Variants in ZNF225 observed in about 807,000 individuals in gnomAD.
ZNF225 encodes zinc finger protein 225.
In ZNF225, 6 loss-of-function variants were observed where a neutral mutation model predicts 12.0. The ratio of observed to expected loss-of-function variants is 0.50; its 90% confidence interval spans 0.27 to 0.98. The LOEUF (loss-of-function observed/expected upper bound fraction) is 0.98. Ranked by LOEUF, ZNF225 falls within the 50% of genes least tolerant of loss-of-function variation. The pLI, the probability that ZNF225 is intolerant of heterozygous loss-of-function variation, is 0.11. For missense variants in ZNF225, 763 were observed against 848.2 expected (o/e 0.90, Z 1.25); for synonymous variants, 271 against 283.2 (o/e 0.96, Z 0.43).
Position 44,132,390 on chromosome 19 carries a change from T to C in ZNF225, c.1776T>C (p.Asp592=), listed in dbSNP as rs757887073. 66 of 1,608,296 alleles carry C rather than the reference T, an allele frequency of 4.1e-5. No homozygotes were observed. The Admixed American group carries it at 6.7e-4, about 16-fold the overall frequency. The change falls in exon 5 of 5, where the codon GAT becomes GAC. Residue 592 remains aspartate (D), a synonymous_variant. Coordinates refer to ENST00000262894, the MANE Select transcript of ZNF225 (RefSeq NM_013362.4). The part of the protein sequence containing the change: ...SILNHKRLHG[D]EKPFKCEECG... ...TGAATCATAAGAGACTCCATGGTGA[T>C]GAAAAGCCATTCAAATGTGAAGAGT...
intron 4 of ZNF225, among the ~76,000 whole-genome samples, chr19:44,119,158 T>C (rs1001720128): frequency 6.6e-6 from 1 of 152,142 alleles, no homozygotes; most frequent in Non-Finnish European, 1.5e-5. Context: ...TTAAGTGCCT[T>C]TTAGAGACCA....
chr19:44,130,718 A>AAAAAT, intron 4 of ZNF225, 132 bp from the exon 5 acceptor site: 1 of 447,504 alleles, frequency 2.2e-6, no homozygotes, highest in Non-Finnish European at 3.9e-6. Flanking sequence ...AAAAAAAAAA[A>AAAAAT]AAAAAAGGAA....
At chr19:44,124,771 CT>C (rs1295747558) in intron 4 of ZNF225, among the ~76,000 whole-genome samples, 10 of 152,060 alleles carry the variant, frequency 6.6e-5, no homozygotes, top group Non-Finnish European at 1.5e-4. Flanking sequence ...TATAATGTCC[CT>C]CTTTGTCTCT....
In ZNF225 at chr19:44,131,882, G is replaced by A. The variant is rs1968270748; in HGVS notation, c.1268G>A (p.Ser423Asn). The change falls in exon 5 of 5, where the codon AGT (serine) becomes AAT (asparagine). Residue 423 changes from serine to asparagine, a missense_variant. Transcript: ENST00000262894. ...SQRYSHQRAH[S>N]GEKPYRCEEC... ...CGTTATTCTCACCAGAGAGCGCACA[G>A]TGGAGAAAAGCCATATAGATGTGAG... The A allele has an allele frequency of 6.2e-7, 1 of 1,614,142 alleles. No individual in the cohort carries two copies. The highest frequency in any genetic ancestry group is 8.5e-7 in the Non-Finnish European group (1 of 1,180,030).
chr19:44,121,063 AT>A (rs1015797576), intron 4 of ZNF225, among the ~76,000 whole-genome samples: 1 of 151,754 alleles, frequency 6.6e-6, no homozygotes. Flanking sequence ...TGCCCTGCTA[AT>A]TTTTTTTATA....
rs1261218325 is a variant in ZNF225 at position 44,132,937 on chromosome 19, A to G, written c.*202A>G. 2.2e-6 allele frequency: 1 copy of G among 460,968 alleles called. No homozygotes were observed. Among genetic ancestry groups the G allele is most frequent in the Non-Finnish European group, 3.7e-6 (1 of 271,176 alleles). The allele number at this position is 460,968 out of a possible 1,614,324, so 28.6% of individuals were successfully genotyped here. ...TCACCCTGTAGTGGTGTAAAACACT[A>G]GAACTTATTCCTCCTACCTGCCTGT... On this transcript the variant is annotated 3_prime_UTR_variant, in exon 5 of 5. Coordinates refer to ENST00000262894, the MANE Select transcript of ZNF225 (RefSeq NM_013362.4).
At position 44,115,682 on chromosome 19, in the gene ZNF225, A is replaced by G. The variant is rs1277325148; in HGVS notation, c.-68-78A>G. 1.5e-5 allele frequency: 10 copies of G among 673,386 alleles called. No homozygotes were observed. The Admixed American group carries it at 3.3e-4, about 22-fold the overall frequency. The allele number at this position is 673,386 out of a possible 1,614,324, so 41.7% of individuals were successfully genotyped here. A position where few individuals can be genotyped will look rare whatever the true frequency, so the allele number is the denominator to read the frequency against. On this transcript the variant is annotated intron_variant, in intron 1 of 4. Coordinates refer to ENST00000262894, the MANE Select transcript of ZNF225 (RefSeq NM_013362.4). ...GGGAACATTCATGTGTTAATTTACA[A>G]TACACATTCGTGTTGGTGGATGGCA...
chr19:44,132,578 A>T lies in ZNF225; in HGVS notation c.1964A>T (p.Glu655Val). The T allele has an allele frequency of 4.3e-6, 7 of 1,614,196 alleles. No homozygotes were observed. Among genetic ancestry groups the T allele is most frequent in the Non-Finnish European group, 5.9e-6 (7 of 1,180,006 alleles). ...AGTAGAGAAAAACTACTTCAATGTG[A>T]GGACTGTGGGAAGAGCATTGTGCAC... is the stretch of plus-strand genomic sequence containing the variant. ...LHSREKLLQC[E>V]DCGKSIVHSS... The change falls in exon 5 of 5, where the codon GAG becomes GTG. Residue 655 changes from glutamate (E) to valine (V), a missense_variant. Coordinates refer to ENST00000262894, the MANE Select transcript of ZNF225 (RefSeq NM_013362.4).
Position 44,118,304 on chromosome 19 carries a change from G to A in ZNF225, c.132G>A (p.Leu44=). ...REVMLENFRN[L]LSVGHQSLHR... Reference sequence around the variant, plus strand: ...TGATGCTGGAGAACTTCAGGAACCTGCTCTCAGTGGGTGAGGACAGGCACC... The same window carrying A: ...TGATGCTGGAGAACTTCAGGAACCTACTCTCAGTGGGTGAGGACAGGCACC... The change falls in exon 3 of 5, where the codon CTG becomes CTA. Residue 44 remains leucine, a synonymous_variant. Transcript: ENST00000262894. 2 of 1,612,884 alleles carry A rather than the reference G, an allele frequency of 1.2e-6. No homozygotes were observed. Among genetic ancestry groups the A allele is most frequent in the Non-Finnish European group, 1.7e-6 (2 of 1,179,450 alleles).
In ZNF225 at chr19:44,131,179, T is replaced by A; in HGVS notation, c.565T>A (p.Ser189Thr). 4 of 1,614,176 alleles carry A rather than the reference T, an allele frequency of 2.5e-6. No individual in the cohort carries two copies. The highest frequency in any genetic ancestry group is 3.4e-6 in the Non-Finnish European group (4 of 1,180,036). The change falls in exon 5 of 5, where the codon TCA becomes ACA. Residue 189 changes from serine to threonine, a missense_variant. Physicochemically the swap from Ser to Thr is moderately conservative, Grantham distance 58 (BLOSUM62 1). Transcript: ENST00000262894. ...ATGTGGAAAGAGTTTCTGTTATAGC[T>A]CAGCTCTTCGTATTCATCAGAGAGT... ...DECGKSFCYSSALRIHQRVHM... is the reference protein window; with the variant it reads ...DECGKSFCYSTALRIHQRVHM...
At chr19:44,116,726 A>G (rs1182604464) in intron 2 of ZNF225, among the ~76,000 whole-genome samples, 1 of 152,210 alleles carries the variant, frequency 6.6e-6, no homozygotes, top group Non-Finnish European at 1.5e-5. Flanking sequence ...ATTATTTATA[A>G]TCAAATAAGT....
rs150776892 is a variant in ZNF225, at chr19:44,125,444, C to T, written c.236-5406C>T. Among the ~76,000 whole-genome samples the T allele has an allele frequency of 3.0e-3, 457 of 152,266 alleles. 1 individual carries two copies. Among genetic ancestry groups the T allele is most frequent in the African/African-American group, 0.011 (447 of 41,544 alleles). ...GTTTTCCTTTATAGGTTACCTGGTG[C>T]TTCTGTCTCACAGCTCTTAAGATTC... On this transcript the variant is annotated intron_variant, in intron 4 of 4. Transcript: ENST00000262894.
chr19:44,125,725 T>C (rs7508762), intron 4 of ZNF225, among the ~76,000 whole-genome samples: 124,339 of 152,116 alleles, frequency 0.82, 51,604 homozygotes, highest in Non-Finnish European at 0.88. Flanking sequence ...AGGCTTTGTT[T>C]ATATTTTCTT....
rs1359107964 is a variant in ZNF225 at position 44,134,674 on chromosome 19, TC to T, written c.*1940del. 1 of 152,152 alleles carries T rather than the reference TC, an allele frequency of 6.6e-6. No homozygotes were observed. Among genetic ancestry groups the T allele is most frequent in the Non-Finnish European group, 1.5e-5 (1 of 68,018 alleles). 9.4% of individuals were successfully genotyped at this position (152,152 alleles called of 1,614,324 possible). ...TATAATTATTAAAAGTTTGGTAGGG[TC>T]TATGTCTGCTCTCTGGTGTGTCCTG... On this transcript the variant is annotated 3_prime_UTR_variant, in exon 5 of 5. Coordinates refer to ENST00000262894, the MANE Select transcript of ZNF225 (RefSeq NM_013362.4).
chr19:44,122,718 T>C (rs1020284921), intron 4 of ZNF225, among the ~76,000 whole-genome samples: 6 of 152,178 alleles, frequency 3.9e-5, no homozygotes, highest in African/African-American at 1.2e-4. Context: ...TTTGACTCCT[T>C]GGTTAGGTGT....
intron 4 of ZNF225, among the ~76,000 whole-genome samples, chr19:44,126,891 C>T: frequency 6.6e-6 from 1 of 152,216 alleles, no homozygotes; most frequent in East Asian, 1.9e-4. Context: ...TCCCACCATG[C>T]CCCCACTAAC....
intron 4 of ZNF225, among the ~76,000 whole-genome samples, chr19:44,119,025 C>T (rs1968002143): frequency 6.6e-6 from 1 of 152,046 alleles, no homozygotes. Flanking sequence ...ACCGTGTTAG[C>T]CAGGATGGTC....
chr19:44,114,641 G>T (rs1406099991), intron 1 of ZNF225, among the ~76,000 whole-genome samples: 6 of 152,112 alleles, frequency 3.9e-5, no homozygotes, highest in African/African-American at 1.4e-4. Flanking sequence ...CTCCCAAGTA[G>T]CTGGGATTAC....
At chr19:44,112,931 C>T (rs1967859381), upstream of ZNF225, 1 of 152,156 alleles carries the variant, frequency 6.6e-6, no homozygotes, top group Admixed American at 6.5e-5. Flanking sequence ...AAATTCCTGT[C>T]TATTCAGTAT....
Sources: gnomAD v4.1 joint callset for allele counts (sites outside exome capture counted in the v4.1 genomes callset) on GRCh38, gnomAD v4.1.1 for gene constraint, MANE v1.5 for transcripts, NCBI Gene and HGNC (gene_info 2026-07-23, HGNC 2026-07-21) for gene names.